Variants in MYO18B observed in about 807,000 individuals in gnomAD.
MYO18B encodes unconventional myosin-XVIIIb.
Under a neutral mutation model 273.0 loss-of-function variants are expected in MYO18B, and 204 were observed. That is an observed-to-expected ratio of 0.75 (90% confidence interval 0.67 to 0.84). The LOEUF is 0.84. MYO18B is among the 40% of genes least tolerant of loss of function. The pLI is 0.00. For synonymous variants in MYO18B, 1,330 were observed against 1,305.7 expected (o/e 1.02, Z -0.40); for missense variants, 3,212 against 3,287.6 (o/e 0.98, Z 0.56).
intron 27 of MYO18B, among the ~76,000 whole-genome samples, chr22:25,891,758 G>A (rs2091668010): frequency 6.6e-6 from 1 of 152,160 alleles, no homozygotes; most frequent in African/African-American, 2.4e-5. Flanking sequence ...CTGGCGTGGT[G>A]GCTCACACCT....
intron 12 of MYO18B, among the ~76,000 whole-genome samples, chr22:25,810,098 CTTTTT>C (rs566532119): frequency 6.0e-5 from 8 of 132,428 alleles, no homozygotes; most frequent in East Asian, 2.2e-4. Flanking sequence ...TTCCTTCAGG[CTTTTT>C]TTTTTTTTTT....
chr22:25,864,518 GAGGCTTGCTC>G (rs1251222020), intron 21 of MYO18B, among the ~76,000 whole-genome samples: 1 of 152,208 alleles, frequency 6.6e-6, no homozygotes, highest in African/African-American at 2.4e-5. Flanking sequence ...GAGAGGAGGA[GAGGCTTGCTC>G]AGGGTCACAC....
chr22:25,900,094 C>T (rs921153307), intron 29 of MYO18B, among the ~76,000 whole-genome samples: 1 of 152,184 alleles, frequency 6.6e-6, no homozygotes, highest in African/African-American at 2.4e-5. Flanking sequence ...CAGAATCCCT[C>T]ATTCCAGGCA....
At chr22:26,006,342 G>T in intron 42 of MYO18B, 1 of 167,654 alleles carries the variant, frequency 6.0e-6, no homozygotes. Context: ...ACATGTTTAA[G>T]ATATAATTGG....
At chr22:25,925,561 C>T (rs2092407855) in intron 34 of MYO18B, among the ~76,000 whole-genome samples, 1 of 152,132 alleles carries the variant, frequency 6.6e-6, no homozygotes, top group South Asian at 2.1e-4. Flanking sequence ...TCATCATCAT[C>T]ACATGATGGC....
At chr22:26,005,505 C>T (rs1255422305) in intron 42 of MYO18B, among the ~76,000 whole-genome samples, 2 of 152,144 alleles carry the variant, frequency 1.3e-5, no homozygotes, top group African/African-American at 4.8e-5. Context: ...TTGGATTCAC[C>T]CTTAGTTGCA....
intron 22 of MYO18B, among the ~76,000 whole-genome samples, chr22:25,873,259 G>A (rs1251652793): frequency 6.6e-6 from 1 of 152,224 alleles, no homozygotes; most frequent in Non-Finnish European, 1.5e-5. Flanking sequence ...GTGCTGCAGA[G>A]GCCATCATCC....
At chr22:26,010,789 G>A (rs891079794) in intron 42 of MYO18B, among the ~76,000 whole-genome samples, 6 of 152,104 alleles carry the variant, frequency 3.9e-5, no homozygotes, top group African/African-American at 7.2e-5. Context: ...GCAGAAGTGG[G>A]CTAAACTCAC....
chr22:25,911,330 T>G (rs1479993382), intron 33 of MYO18B, among the ~76,000 whole-genome samples: 1 of 152,204 alleles, frequency 6.6e-6, no homozygotes, highest in Non-Finnish European at 1.5e-5. Context: ...AGACAGTCCT[T>G]CCTTTAAGGG....
At chr22:25,876,440 G>A in intron 24 of MYO18B, 108 bp downstream of exon 24, 2 of 1,274,494 alleles carry the variant, frequency 1.6e-6, no homozygotes, top group Non-Finnish European at 2.1e-6. Context: ...CTTGATCTAG[G>A]AATGCTCAGC....
At chr22:25,769,527 A>G in intron 4 of MYO18B, 99 bp downstream of exon 4, 1 of 1,098,892 alleles carries the variant, frequency 9.1e-7, no homozygotes, top group Non-Finnish European at 1.3e-6. Context: ...CAAGGGGTGG[A>G]CGGGGGGTGG....
chr22:25,864,963 T>C (rs1205843576), intron 21 of MYO18B, among the ~76,000 whole-genome samples: 1 of 152,212 alleles, frequency 6.6e-6, no homozygotes, highest in African/African-American at 2.4e-5. Context: ...CCTTGCTGTG[T>C]CTTTTTCCAC....
intron 40 of MYO18B, among the ~76,000 whole-genome samples, chr22:25,999,582 T>C (rs1365997573): frequency 4.0e-5 from 4 of 100,340 alleles, no homozygotes; most frequent in South Asian, 4.2e-4. Context: ...TTCCCCCTCC[T>C]CCTCCTCTTC....
rs568137543 is a variant in MYO18B, at chr22:25,924,708, A to T, written c.5517+3299A>T. ...ATTGGGAGGTTGTGAGCGAAGCGTG[A>T]CAGAATCTGATTCACGTTTTAGAGG... On this transcript the variant is annotated intron_variant, in intron 34 of 43. Coordinates refer to ENST00000335473, the MANE Select transcript of MYO18B (RefSeq NM_032608.7). Among the ~76,000 whole-genome samples, 6 of 152,270 alleles carry T rather than the reference A, an allele frequency of 3.9e-5. No homozygotes were observed. The South Asian group carries it at 1.2e-3, about 32-fold the overall frequency.
Position 25,851,596 on chromosome 22 carries a change from C to A in MYO18B, c.3885+17C>A. 6.6e-7 allele frequency: 1 copy of A among 1,508,786 alleles called. No individual in the cohort carries two copies. The highest frequency in any genetic ancestry group is 9.0e-7 in the Non-Finnish European group (1 of 1,107,468). 93.5% of individuals were successfully genotyped at this position (1,508,786 alleles called of 1,614,324 possible). A position where few individuals can be genotyped will look rare whatever the true frequency, so the allele number is the denominator to read the frequency against. On this transcript the variant is annotated intron_variant, in intron 21 of 43. Coordinates refer to ENST00000335473, the MANE Select transcript of MYO18B (RefSeq NM_032608.7). The stretch of plus-strand genomic sequence containing the variant: ...GAAAGGAAGGTAGGTGGAGCACATG[C>A]GAGAGGGGTGAAGGCCCTAGATATG...
In MYO18B at chr22:26,030,524, C is replaced by T; in HGVS notation, c.*94C>T. Reference sequence around the variant, plus strand: ...AGACTGGCCAGGCCTCCCCGGTGGCCAGAGCCAGCCAGCATGGCCACCCTC... The same window carrying T: ...AGACTGGCCAGGCCTCCCCGGTGGCTAGAGCCAGCCAGCATGGCCACCCTC... On this transcript the variant is annotated 3_prime_UTR_variant, in exon 44 of 44. Transcript: ENST00000335473. 5.8e-6 allele frequency: 1 copy of T among 173,426 alleles called. No individual in the cohort carries two copies. Among genetic ancestry groups the T allele is most frequent in the Non-Finnish European group, 1.2e-5 (1 of 81,948 alleles). The allele number at this position is 173,426 out of a possible 1,614,324, so 10.7% of individuals were successfully genotyped here.
intron 3 of MYO18B, among the ~76,000 whole-genome samples, chr22:25,763,979 G>C (rs1042399382): frequency 6.6e-6 from 1 of 152,146 alleles, no homozygotes; most frequent in Admixed American, 6.5e-5. Context: ...TTCATACCAG[G>C]TGGTAAATGG....
intron 40 of MYO18B, among the ~76,000 whole-genome samples, chr22:25,995,733 C>T (rs1257284267): frequency 6.6e-6 from 1 of 152,120 alleles, no homozygotes; most frequent in Non-Finnish European, 1.5e-5. Context: ...ATAAGAGACA[C>T]CTTTATCTGT....
chr22:25,828,765 T>C lies in MYO18B; in HGVS notation c.2787-11T>C, dbSNP rs2089591034. ...CATCTCAGACATTCCACCTCTCTCT[T>C]CTCTCCCTAGATCCTTTTCCTCCCA... On this transcript the variant is annotated splice_polypyrimidine_tract_variant and intron_variant, in intron 14 of 43. Coordinates refer to ENST00000335473, the MANE Select transcript of MYO18B (RefSeq NM_032608.7). 1 of 1,609,946 alleles carries C rather than the reference T, an allele frequency of 6.2e-7. No individual in the cohort carries two copies. Among genetic ancestry groups the C allele is most frequent in the Non-Finnish European group, 8.5e-7 (1 of 1,177,554 alleles).
Sources: allele counts gnomAD v4.1 joint callset (sites outside exome capture counted in the v4.1 genomes callset), GRCh38; gene constraint gnomAD v4.1.1; transcripts MANE v1.5; gene names NCBI Gene and HGNC (gene_info 2026-07-23, HGNC 2026-07-21).